The following STMN1 variants were observed in gnomAD, a reference collection of about 807,000 sequenced individuals.
The protein encoded by STMN1 is stathmin 1.
Under a neutral mutation model 19.7 loss-of-function variants are expected in STMN1, and 3 were observed. That is an observed-to-expected ratio of 0.15 (90% confidence interval 0.07 to 0.39). The LOEUF is 0.39. STMN1 is among the 10% of genes least tolerant of loss of function. STMN1 has a pLI of 1.00. For missense variants in STMN1, 99 were observed against 176.0 expected, an observed-to-expected ratio of 0.56 and a Z score of 2.48; for synonymous variants, 59 against 58.9, an observed-to-expected ratio of 1.00 and a Z score of -0.01.
In STMN1 at chr1:25,903,817, G is replaced by A. The variant is rs2048903880; in HGVS notation, c.14-4C>T. The A allele has an allele frequency of 1.3e-6, 2 of 1,590,668 alleles. No individual in the cohort carries two copies. Among genetic ancestry groups the A allele is most frequent in the African/African-American group, 2.7e-5 (2 of 73,168 alleles). Reference sequence around the variant, plus strand: ...TCCAGTTCTTTCACCTGGATATCTAGAATTGATTATATTTATAATTCAGAA... The same window carrying A: ...TCCAGTTCTTTCACCTGGATATCTAAAATTGATTATATTTATAATTCAGAA... On this transcript the variant is annotated splice_region_variant and splice_polypyrimidine_tract_variant and intron_variant, in intron 2 of 4. Transcript: ENST00000455785.
chr1:25,892,185 C>T (rs897555442), intron 4 of STMN1, among the ~76,000 whole-genome samples: 2 of 152,132 alleles, frequency 1.3e-5, no homozygotes, highest in African/African-American at 2.4e-5. Flanking sequence ...AGGTCGAGTT[C>T]GAGACTAGCC....
intron 4 of STMN1, chr1:25,887,489 T>C: frequency 2.8e-6 from 1 of 354,342 alleles, no homozygotes; most frequent in Non-Finnish European, 5.5e-6. Context: ...ACATGCAGCT[T>C]GCAAATAAGA....
At chr1:25,903,500 G>T in intron 3 of STMN1, 141 bp downstream of exon 3, 1 of 1,131,538 alleles carries the variant, frequency 8.8e-7, no homozygotes, top group Non-Finnish European at 1.3e-6. Flanking sequence ...AATAAATGAG[G>T]ACTGGTATTT....
intron 4 of STMN1, chr1:25,892,526 C>T: frequency 1.0e-6 from 1 of 985,162 alleles, no homozygotes; most frequent in Non-Finnish European, 1.2e-6. Context: ...CAGATTCCTT[C>T]TTTAAACAGG....
intron 4 of STMN1, 30 bp from the exon 5 acceptor site, chr1:25,901,117 CAAAAAAAA>C: frequency 2.0e-4 from 246 of 1,201,268 alleles, no homozygotes; most frequent in Middle Eastern, 6.3e-4. Flanking sequence ...TGTCATCAGT[CAAAAAAAA>C]AAAAAAAAAA....
chr1:25,900,506 T>A lies in STMN1; in HGVS notation c.*510A>T. The A allele has an allele frequency of 1.0e-6, 1 of 985,902 alleles. No individual in the cohort carries two copies. Among genetic ancestry groups the A allele is most frequent in the Non-Finnish European group, 1.2e-6 (1 of 829,992 alleles). The allele number at this position is 985,902 out of a possible 1,614,324, so 61.1% of individuals were successfully genotyped here. On this transcript the variant is annotated 3_prime_UTR_variant, in exon 5 of 5. Coordinates refer to ENST00000455785, the MANE Select transcript of STMN1 (RefSeq NM_005563.4). ...CCAAAGGCCCCATCTGGAACAAGTA[T>A]CAACCAGGAGGGGCTCTATGGCTTG...
chr1:25,885,977 A>C (rs2048718030), intron 4 of STMN1: 1 of 1,365,568 alleles, frequency 7.3e-7, no homozygotes, highest in Non-Finnish European at 9.6e-7. Flanking sequence ...AAACTTTGCT[A>C]CAAATGGAAT....
rs1464564340 is a variant in STMN1, at chr1:25,904,747, G to T, written c.-62-9C>A. 2 of 1,589,782 alleles carry T rather than the reference G, an allele frequency of 1.3e-6. No homozygotes were observed. The highest frequency in any genetic ancestry group is 1.7e-6 in the Non-Finnish European group (2 of 1,171,436). On this transcript the variant is annotated splice_polypyrimidine_tract_variant and intron_variant, in intron 1 of 4. Transcript: ENST00000455785. Reference sequence around the variant, plus strand: ...CTGGGATAAGGAAAGTCCTGAAAATGATTTTCAAAAACATGCAATCACTTT... The same window carrying T: ...CTGGGATAAGGAAAGTCCTGAAAATTATTTTCAAAAACATGCAATCACTTT...
At chr1:25,906,508 C>T, upstream of STMN1, 1 of 152,838 alleles carries the variant, frequency 6.5e-6, no homozygotes, top group Middle Eastern at 1.1e-3. The surrounding 1 kb of genome is among the most constrained non-coding windows in gnomAD (Gnocchi z 4.5). Context: ...AGAGCGGCGG[C>T]ACGTGCCGCC....
intron 4 of STMN1, among the ~76,000 whole-genome samples, chr1:25,886,648 G>A (rs1029771875): frequency 7.0e-5 from 10 of 143,688 alleles, no homozygotes; most frequent in Non-Finnish European, 3.0e-5. Context: ...GAATGCAGTC[G>A]TGTGATCTCA....
At chr1:25,890,342 G>C (rs995319120) in intron 4 of STMN1, among the ~76,000 whole-genome samples, 1 of 152,208 alleles carries the variant, frequency 6.6e-6, no homozygotes, top group Admixed American at 6.5e-5. Context: ...ACAGGGAAAA[G>C]GAGCAGGCCT....
At chr1:25,892,380 C>CGT in intron 4 of STMN1, 1 of 173,456 alleles carries the variant, frequency 5.8e-6, no homozygotes, top group Non-Finnish European at 9.4e-6. Context: ...CAGAGCAAGA[C>CGT]TTTTTTTTTT....
At chr1:25,904,613 C>T in intron 2 of STMN1, 51 bp downstream of exon 2, 1 of 1,568,082 alleles carries the variant, frequency 6.4e-7, no homozygotes, top group South Asian at 1.1e-5. Flanking sequence ...CCATCTCAAT[C>T]TAAAATCATA....
At chr1:25,886,398 G>A (rs1439397654) in intron 4 of STMN1, among the ~76,000 whole-genome samples, 1 of 152,152 alleles carries the variant, frequency 6.6e-6, no homozygotes, top group Non-Finnish European at 1.5e-5. Flanking sequence ...TGGAAAAGGA[G>A]GAGGTTGGAT....
Sources: gnomAD v4.1 joint callset for allele counts (sites outside exome capture counted in the v4.1 genomes callset) on GRCh38, gnomAD v4.1.1 for gene constraint, Gnocchi (gnomAD v3.1) non-coding constraint, MANE v1.5 for transcripts, NCBI Gene and HGNC (gene_info 2026-07-23, HGNC 2026-07-21) for gene names.